Variants in EIF4G3 observed in about 807,000 individuals in gnomAD.
The protein encoded by EIF4G3 is eukaryotic translation initiation factor 4 gamma 3.
EIF4G3 carries 34 observed loss-of-function variants against 186.4 expected under a neutral mutation model. The ratio of observed to expected loss-of-function variants is 0.18; its 90% CI spans 0.14 to 0.24. The LOEUF (loss-of-function observed/expected upper bound fraction) is 0.24. EIF4G3 is among the 10% of genes least tolerant of loss of function. The probability of loss-of-function intolerance (pLI) is 1.00; values close to 1 mark genes in which losing one functional copy is unlikely to be tolerated. For missense variants in EIF4G3, 1,536 were observed against 1,948.5 expected, an observed-to-expected ratio of 0.79 and a Z score of 3.99; for synonymous variants, 673 against 679.5, an observed-to-expected ratio of 0.99 and a Z score of 0.15.
chr1:20,970,569 C>A (rs1266837890), intron 11 of EIF4G3, among the ~76,000 whole-genome samples: 2 of 151,938 alleles, frequency 1.3e-5, no homozygotes, highest in Non-Finnish European at 2.9e-5. Flanking sequence ...GCCAAGATCG[C>A]GCCACTGCAC....
chr1:20,844,892 A>T (rs527310828), intron 29 of EIF4G3, among the ~76,000 whole-genome samples: 1 of 152,328 alleles, frequency 6.6e-6, no homozygotes, highest in South Asian at 2.1e-4. Context: ...TGTATATTGC[A>T]AACATTTCCT....
intron 14 of EIF4G3, among the ~76,000 whole-genome samples, chr1:20,937,958 A>G (rs2095572004): frequency 6.6e-6 from 1 of 152,084 alleles, no homozygotes; most frequent in African/African-American, 2.4e-5. Context: ...ACCAAATTCT[A>G]ATTTTACAGA....
At chr1:21,165,804 T>A (rs747011278) in intron 2 of EIF4G3, among the ~76,000 whole-genome samples, 1 of 152,154 alleles carries the variant, frequency 6.6e-6, no homozygotes, top group African/African-American at 2.4e-5. Context: ...CACTGAATTA[T>A]ACACTCTAAA....
chr1:20,997,072 C>A (rs1371279376), intron 7 of EIF4G3, among the ~76,000 whole-genome samples: 2 of 152,098 alleles, frequency 1.3e-5, no homozygotes, highest in South Asian at 2.1e-4. Context: ...TATCTATTTT[C>A]TATGTGTTCT....
chr1:20,807,579 T>C, intron 36 of EIF4G3, 79 bp from the exon 37 acceptor site: 1 of 1,259,390 alleles, frequency 7.9e-7, no homozygotes, highest in Non-Finnish European at 1.1e-6. Context: ...AAATAATGAA[T>C]GACTGAATAA....
At chr1:21,013,134 G>A (rs997042902) in intron 4 of EIF4G3, among the ~76,000 whole-genome samples, 21 of 152,112 alleles carry the variant, frequency 1.4e-4, no homozygotes, top group African/African-American at 4.8e-4. Flanking sequence ...GAAGGAAGCC[G>A]GCAGAATCTG....
intron 2 of EIF4G3, among the ~76,000 whole-genome samples, chr1:21,125,750 T>G (rs2097022797): frequency 1.4e-5 from 2 of 140,498 alleles, no homozygotes; most frequent in African/African-American, 5.4e-5. Context: ...AATAAATATA[T>G]ATAATTTTTT....
intron 4 of EIF4G3, among the ~76,000 whole-genome samples, chr1:21,050,238 C>T (rs1162743077): frequency 6.6e-6 from 1 of 152,136 alleles, no homozygotes; most frequent in Non-Finnish European, 1.5e-5. Context: ...AACAGTAGGT[C>T]GGTGCAAGCT....
chr1:20,989,899 G>A (rs565046752), intron 7 of EIF4G3, among the ~76,000 whole-genome samples: 2 of 152,126 alleles, frequency 1.3e-5, no homozygotes, highest in South Asian at 2.1e-4. Context: ...TCCACTGGCC[G>A]GGTGCAGTAG....
intron 20 of EIF4G3, among the ~76,000 whole-genome samples, chr1:20,875,026 G>C (rs1195297492): frequency 3.9e-5 from 6 of 152,184 alleles, no homozygotes; most frequent in Admixed American, 3.9e-4. Context: ...CCAGGCTGGA[G>C]TAAGTACCAT....
At chr1:20,958,314 T>C (rs1558435994) in intron 12 of EIF4G3, among the ~76,000 whole-genome samples, 2 of 152,186 alleles carry the variant, frequency 1.3e-5, no homozygotes, top group East Asian at 1.9e-4. Flanking sequence ...ACCATCTCAA[T>C]AGACGCTGAA....
At chr1:21,073,320 G>A (rs1380427190) in intron 3 of EIF4G3, among the ~76,000 whole-genome samples, 1 of 152,116 alleles carries the variant, frequency 6.6e-6, no homozygotes, top group Non-Finnish European at 1.5e-5. Context: ...CGCCCTTGCA[G>A]CTATTCACAT....
intron 14 of EIF4G3, among the ~76,000 whole-genome samples, chr1:20,920,795 A>C (rs2094434304): frequency 6.6e-6 from 1 of 151,696 alleles, no homozygotes; most frequent in Non-Finnish European, 1.5e-5. Flanking sequence ...TTTTACACCA[A>C]CTCTCTTTGG....
At chr1:20,965,143 C>A (rs1328198151) in intron 12 of EIF4G3, among the ~76,000 whole-genome samples, 1 of 152,222 alleles carries the variant, frequency 6.6e-6, no homozygotes, top group Non-Finnish European at 1.5e-5. Flanking sequence ...CTGGTCAGGG[C>A]TCTCTTAGAG....
chr1:20,944,185 C>T (rs1263342230), intron 13 of EIF4G3, among the ~76,000 whole-genome samples: 1 of 151,912 alleles, frequency 6.6e-6, no homozygotes, highest in African/African-American at 2.4e-5. Flanking sequence ...AGACTAACAC[C>T]CTTTATGACC....
chr1:20,810,726 A>T lies in EIF4G3; in HGVS notation c.4744+12T>A. 2 of 1,612,696 alleles carry T rather than the reference A, an allele frequency of 1.2e-6. No individual in the cohort carries two copies. The highest frequency in any genetic ancestry group is 2.2e-5 in the South Asian group (2 of 91,050). On this transcript the variant is annotated intron_variant, in intron 36 of 36. Coordinates refer to ENST00000602326, the MANE Select transcript of EIF4G3 (RefSeq NM_001391906.1). The surrounding 1 kb of genome is among the most constrained non-coding windows in gnomAD (Gnocchi z 4.1). ...CATTGGTTAGATTAACTGTAACATG[A>T]GATAAACTTACTGGCAGGTTGATCA...
intron 3 of EIF4G3, among the ~76,000 whole-genome samples, chr1:21,075,739 T>C (rs904408926): frequency 1.3e-5 from 2 of 151,814 alleles, no homozygotes; most frequent in African/African-American, 4.8e-5. Context: ...AGAAAAGGTA[T>C]ACCATATGAT....
At chr1:20,815,110 A>T (rs1438164665) in intron 34 of EIF4G3, among the ~76,000 whole-genome samples, 1 of 77,066 alleles carries the variant, frequency 1.3e-5, no homozygotes, top group South Asian at 6.1e-4. Context: ...GCTGGAGTGC[A>T]GTGGCGTGAT....
At chr1:20,898,651 T>G (rs1256201920) in intron 16 of EIF4G3, among the ~76,000 whole-genome samples, 3 of 152,196 alleles carry the variant, frequency 2.0e-5, no homozygotes, top group Non-Finnish European at 1.5e-5. Flanking sequence ...GGTCTGGTAT[T>G]TTACACTCAA....
Sources: allele counts gnomAD v4.1 joint callset (sites outside exome capture counted in the v4.1 genomes callset), GRCh38; gene constraint gnomAD v4.1.1; non-coding constraint Gnocchi (gnomAD v3.1); transcripts MANE v1.5; gene names NCBI Gene and HGNC (gene_info 2026-07-23, HGNC 2026-07-21).